The following CDH11 variants were observed in gnomAD, a reference collection of about 807,000 sequenced individuals.
The protein encoded by CDH11 is cadherin-11.
A neutral mutation model predicts 67.8 loss-of-function variants in CDH11; 11 were observed. The observed-to-expected ratio is 0.16, with a 90% confidence interval of 0.10 to 0.27. The LOEUF (loss-of-function observed/expected upper bound fraction) is 0.27. CDH11 is among the 10% of genes least tolerant of loss of function. The pLI, the probability that CDH11 is intolerant of heterozygous loss-of-function variation, is 1.00. For synonymous variants in CDH11, 419 were observed against 400.0 expected (o/e 1.05, Z -0.57); for missense variants, 847 against 1,031.2 (o/e 0.82, Z 2.45).
Position 65,004,812 on chromosome 16 carries a change from T to A in CDH11, c.58A>T (p.Ser20Cys). The change falls in exon 3 of 13, where the codon AGC (serine) becomes TGC (cysteine). Residue 20 changes from serine (S) to cysteine (C), a missense_variant. By Grantham distance (112) the Ser-to-Cys change is moderately radical. Coordinates refer to ENST00000268603, the MANE Select transcript of CDH11 (RefSeq NM_001797.4). ...CGCCGCTCTGGGGCAAAGGCATGGCTGTGGCACAGCATGCCCAGGCACACC... is the reference window on the plus strand; with the variant it reads ...CGCCGCTCTGGGGCAAAGGCATGGCAGTGGCACAGCATGCCCAGGCACACC... ...ALVCLGMLCH[S>C]HAFAPERRGH... 1.3e-6 allele frequency: 2 copies of A among 1,591,578 alleles called. No individual in the cohort carries two copies. The highest frequency in any genetic ancestry group is 1.7e-6 in the Non-Finnish European group (2 of 1,169,074).
At chr16:65,007,471 C>T (rs747728693) in intron 2 of CDH11, among the ~76,000 whole-genome samples, 3 of 152,268 alleles carry the variant, frequency 2.0e-5, no homozygotes, top group Non-Finnish European at 4.4e-5. Flanking sequence ...AATAATACAT[C>T]AGATGCTGTT....
chr16:64,949,425 CTTT>C (rs71143535), intron 12 of CDH11, among the ~76,000 whole-genome samples: 63 of 106,004 alleles, frequency 5.9e-4, no homozygotes, highest in Middle Eastern at 4.8e-3. Context: ...TTTTTTTTTT[CTTT>C]TTTTTTTTTT....
intron 2 of CDH11, among the ~76,000 whole-genome samples, chr16:65,050,505 A>G (rs1262711787): frequency 6.6e-6 from 1 of 152,206 alleles, no homozygotes; most frequent in African/African-American, 2.4e-5. Flanking sequence ...CCTGTTTGGG[A>G]ATCAAGAATC....
At chr16:64,967,385 A>AT (rs1439325814) in intron 11 of CDH11, among the ~76,000 whole-genome samples, 1 of 151,978 alleles carries the variant, frequency 6.6e-6, no homozygotes, top group Non-Finnish European at 1.5e-5. Flanking sequence ...AGCCCAGCTA[A>AT]TTTTTTTGTG....
At chr16:65,002,472 C>T (rs2072941905) in intron 3 of CDH11, among the ~76,000 whole-genome samples, 1 of 152,208 alleles carries the variant, frequency 6.6e-6, no homozygotes, top group African/African-American at 2.4e-5. Context: ...CTCTGGCACA[C>T]AGCCCATCTC....
intron 3 of CDH11, among the ~76,000 whole-genome samples, chr16:64,999,560 G>A (rs11859667): frequency 2.6e-5 from 4 of 151,880 alleles, no homozygotes; most frequent in African/African-American, 7.3e-5. Context: ...TTGAGGTGGA[G>A]TCTCACTCTG....
intron 2 of CDH11, among the ~76,000 whole-genome samples, chr16:65,041,746 T>A (rs1375897941): frequency 6.6e-6 from 1 of 152,234 alleles, no homozygotes; most frequent in African/African-American, 2.4e-5. Flanking sequence ...GGTACTGAAC[T>A]ACATGTCAGC....
At chr16:64,999,616 C>T (rs911011098) in intron 3 of CDH11, among the ~76,000 whole-genome samples, 7 of 152,268 alleles carry the variant, frequency 4.6e-5, no homozygotes, top group African/African-American at 1.7e-4. Context: ...TCACTGCAGC[C>T]TCTGCCTCCC....
At chr16:64,956,500 T>C (rs2071516040) in intron 11 of CDH11, among the ~76,000 whole-genome samples, 1 of 152,214 alleles carries the variant, frequency 6.6e-6, no homozygotes, top group Admixed American at 6.5e-5. Flanking sequence ...TCTTCAGTCC[T>C]GGACAATATA....
chr16:64,958,471 C>T (rs760902006), intron 11 of CDH11, among the ~76,000 whole-genome samples: 12 of 152,102 alleles, frequency 7.9e-5, no homozygotes, highest in Admixed American at 1.3e-4. Context: ...TATGGGCAAA[C>T]GCTGTTGTTT....
intron 1 of CDH11, among the ~76,000 whole-genome samples, chr16:65,067,196 G>GAA (rs35005523): frequency 1.3e-4 from 19 of 142,528 alleles, no homozygotes; most frequent in Admixed American, 4.9e-4. Flanking sequence ...GAGTCAACAG[G>GAA]AAAAAAAAAA....
At chr16:65,104,060 T>A (rs2075032240) in intron 1 of CDH11, among the ~76,000 whole-genome samples, 1 of 152,152 alleles carries the variant, frequency 6.6e-6, no homozygotes, top group Non-Finnish European at 1.5e-5. Flanking sequence ...TATCATGAAA[T>A]TACAATTATA....
chr16:64,972,148 TC>T, intron 9 of CDH11, 84 bp from the exon 10 acceptor site: 1 of 1,221,188 alleles, frequency 8.2e-7, no homozygotes, highest in Non-Finnish European at 1.2e-6. Flanking sequence ...AAGAGTAAGC[TC>T]CAGCCACCTA....
At chr16:65,023,045 GA>G (rs1395239859) in intron 2 of CDH11, among the ~76,000 whole-genome samples, 2 of 152,270 alleles carry the variant, frequency 1.3e-5, no homozygotes, top group South Asian at 2.1e-4. Flanking sequence ...GGCATTGAGA[GA>G]AAAAAGTAAA....
At chr16:64,965,197 A>G (rs1335126977) in intron 11 of CDH11, among the ~76,000 whole-genome samples, 50 of 133,546 alleles carry the variant, frequency 3.7e-4, no homozygotes, top group African/African-American at 1.2e-3. Flanking sequence ...CATCTCTACT[A>G]AAAATACCAA....
chr16:64,952,527 T>A (rs2071388772), intron 11 of CDH11, among the ~76,000 whole-genome samples: 1 of 152,224 alleles, frequency 6.6e-6, no homozygotes, highest in South Asian at 2.1e-4. Flanking sequence ...CCCAAAATAT[T>A]TCCTCATCAT....
intron 1 of CDH11, among the ~76,000 whole-genome samples, chr16:65,078,263 C>T (rs1223793325): frequency 6.6e-6 from 1 of 152,284 alleles, no homozygotes; most frequent in East Asian, 1.9e-4. Flanking sequence ...GCTGCTATTT[C>T]CATGTGTAGA....
chr16:64,963,248 A>C (rs1201412337), intron 11 of CDH11, among the ~76,000 whole-genome samples: 1 of 152,226 alleles, frequency 6.6e-6, no homozygotes, highest in Non-Finnish European at 1.5e-5. Context: ...AAGCAGAGAG[A>C]TGGAAATTCT....
At chr16:65,045,328 A>ATTAT (rs1182728954) in intron 2 of CDH11, among the ~76,000 whole-genome samples, 1 of 46,108 alleles carries the variant, frequency 2.2e-5, no homozygotes, top group Non-Finnish European at 4.8e-5. Context: ...TTCCCTCAAA[A>ATTAT]GTATATATAT....
Sources: allele counts gnomAD v4.1 joint callset (sites outside exome capture counted in the v4.1 genomes callset), GRCh38; gene constraint gnomAD v4.1.1; transcripts MANE v1.5; gene names NCBI Gene and HGNC (gene_info 2026-07-23, HGNC 2026-07-21).